Variants in TM6SF1 observed in about 807,000 individuals in gnomAD.
The protein encoded by TM6SF1 is transmembrane 6 superfamily member 1.
TM6SF1 carries 43 observed loss-of-function variants against 47.1 expected under a neutral mutation model. The ratio of observed to expected loss-of-function variants is 0.91; its 90% CI spans 0.72 to 1.18. TM6SF1 has a LOEUF of 1.18. Ranked by LOEUF, TM6SF1 falls within the 50% of genes most tolerant of loss-of-function variation. The pLI, the probability that TM6SF1 is intolerant of heterozygous loss-of-function variation, is 0.00. For synonymous variants in TM6SF1, 177 were observed against 166.3 expected (o/e 1.06, Z -0.49); for missense variants, 390 against 449.0 (o/e 0.87, Z 1.19).
chr15:83,126,020 G>A (rs1567149018), intron 7 of TM6SF1, among the ~76,000 whole-genome samples: 1 of 152,126 alleles, frequency 6.6e-6, no homozygotes, highest in East Asian at 1.9e-4. Flanking sequence ...AAAATAGTGG[G>A]CCCCACCTGT....
At chr15:83,124,045 T>A (rs2035507094) in intron 6 of TM6SF1, among the ~76,000 whole-genome samples, 1 of 152,350 alleles carries the variant, frequency 6.6e-6, no homozygotes, top group Non-Finnish European at 1.5e-5. Flanking sequence ...AAGTTGTTCA[T>A]CATTACATTA....
At chr15:83,117,971 G>A (rs552353186) in intron 3 of TM6SF1, among the ~76,000 whole-genome samples, 1 of 152,268 alleles carries the variant, frequency 6.6e-6, no homozygotes, top group Admixed American at 6.5e-5. Flanking sequence ...TAGCAATAAA[G>A]TTGATAGATT....
intron 9 of TM6SF1, chr15:83,135,756 A>T (rs1462313923): frequency 6.6e-6 from 1 of 152,204 alleles, no homozygotes; most frequent in African/African-American, 2.4e-5. Flanking sequence ...CTTCTAAATA[A>T]ATTATAATTT....
intron 9 of TM6SF1, chr15:83,132,517 G>A (rs534743656): frequency 7.9e-5 from 12 of 151,956 alleles, no homozygotes; most frequent in Admixed American, 4.6e-4. Flanking sequence ...GGAAACTTAC[G>A]TGTGAATAAT....
chr15:83,111,186 G>T (rs1356955116), intron 1 of TM6SF1, among the ~76,000 whole-genome samples: 5 of 151,966 alleles, frequency 3.3e-5, no homozygotes, highest in Non-Finnish European at 7.4e-5. Context: ...TCTTATCATA[G>T]AATTGATCCA....
intron 9 of TM6SF1, chr15:83,128,132 CAAAT>C (rs2035935382): frequency 6.6e-6 from 1 of 152,170 alleles, no homozygotes; most frequent in South Asian, 2.1e-4. Context: ...AGAAATAAAA[CAAAT>C]GAACTTATCA....
chr15:83,107,673 C>T lies in TM6SF1; in HGVS notation c.-8C>T, dbSNP rs1318185720. 2.6e-6 allele frequency: 4 copies of T among 1,541,004 alleles called. No individual in the cohort carries two copies. The highest frequency in any genetic ancestry group is 1.7e-4 in the Middle Eastern group (1 of 5,764). On this transcript the variant is annotated 5_prime_UTR_variant, in exon 1 of 10. Transcript: ENST00000322019. The surrounding 1 kb of genome is among the most constrained non-coding windows in gnomAD (Gnocchi z 5.6). ...ATGCGGTGAAGGGCGAGCGGCGCGG[C>T]GGCTGCGATGAGTGCCTCTGCGGCC... is the stretch of plus-strand genomic sequence containing the variant.
Position 83,136,578 on chromosome 15 carries a change from TA to T in TM6SF1, c.1020del (p.Ile340MetfsTer22). 6.2e-7 allele frequency: 1 copy of T among 1,613,908 alleles called. No individual in the cohort carries two copies. Among genetic ancestry groups the T allele is most frequent in the Non-Finnish European group, 8.5e-7 (1 of 1,179,870 alleles). On this transcript the variant is annotated frameshift_variant, in exon 10 of 10. Transcript: ENST00000322019. LOFTEE classifies it high-confidence loss of function. ...AAAATCCTTTTTTTAGCATTAAACA[TA>T]GCATATGGAGTTCTTCCTCAGCTCT... ...EAKILFLALN[I>X]AYGVLPQLLA...
chr15:83,132,158 C>T (rs28754750), intron 9 of TM6SF1: 58,094 of 152,006 alleles, frequency 0.38, 13,148 homozygotes, highest in African/African-American at 0.64. Context: ...TGAGGTAATA[C>T]ATGTAAAGGG....
At chr15:83,115,744 G>A in intron 2 of TM6SF1, 101 bp from the exon 3 acceptor site, 1 of 834,778 alleles carries the variant, frequency 1.2e-6, no homozygotes, top group Non-Finnish European at 2.0e-6. Context: ...AGCATCTTCT[G>A]GAAAACATGA....
chr15:83,132,217 C>T (rs1329454709), intron 9 of TM6SF1: 1 of 152,204 alleles, frequency 6.6e-6, no homozygotes, highest in East Asian at 1.9e-4. Flanking sequence ...TTTGTTGCTA[C>T]TATTACTGGT....
At position 83,107,645 on chromosome 15, in the gene TM6SF1, G is replaced by A. The variant is rs971027190; in HGVS notation, c.-36G>A. 5.4e-6 allele frequency: 8 copies of A among 1,476,796 alleles called. No individual in the cohort carries two copies. The highest frequency in any genetic ancestry group is 1.9e-4 in the Middle Eastern group (1 of 5,280). The allele number at this position is 1,476,796 out of a possible 1,614,324, so 91.5% of individuals were successfully genotyped here. ...CGGAAGCTGGGGCGGGGCGCCCAGC[G>A]GGATGCGGTGAAGGGCGAGCGGCGC... On this transcript the variant is annotated 5_prime_UTR_variant, in exon 1 of 10. Coordinates refer to ENST00000322019, the MANE Select transcript of TM6SF1 (RefSeq NM_023003.5). The surrounding 1 kb of genome is among the most constrained non-coding windows in gnomAD (Gnocchi z 5.6).
chr15:83,128,418 T>A (rs2035956517), intron 9 of TM6SF1: 1 of 152,248 alleles, frequency 6.6e-6, no homozygotes, highest in African/African-American at 2.4e-5. Context: ...GTCCTTTCCT[T>A]GAGGGGCTTA....
In TM6SF1 at chr15:83,112,891, C is replaced by G. The variant is rs1182194969; in HGVS notation, c.187C>G (p.Leu63Val). 6.2e-7 allele frequency: 1 copy of G among 1,613,044 alleles called. No individual in the cohort carries two copies. Among genetic ancestry groups the G allele is most frequent in the African/African-American group, 1.3e-5 (1 of 75,036 alleles). The part of the protein sequence containing the change: ...LVKRKPPRDP[L>V]FYVYAVFGFT... ...CAAAAGAAAACCACCCCGGGACCCA[C>G]TGTTCTATGGTACGTCTCCACAAAG... is the stretch of plus-strand genomic sequence containing the variant. Residue 63 changes from leucine to valine, a missense_variant, in exon 2 of 10, where the codon CTG (leucine) becomes GTG (valine). Transcript: ENST00000322019.
chr15:83,113,191 T>C (rs1456030490), intron 2 of TM6SF1: 1 of 474,880 alleles, frequency 2.1e-6, no homozygotes, highest in Non-Finnish European at 3.9e-6. Flanking sequence ...TCGACTCTCA[T>C]GCTAGCTCCT....
Position 83,124,720 on chromosome 15 carries a change from T to G in TM6SF1, c.652T>G (p.Leu218Val). Reference sequence around the variant, plus strand: ...AGACCTGCTGAGAAGACCATTTGATTTAATGTTGGTTGTGTGTCTCCTCCT... The same window carrying G: ...AGACCTGCTGAGAAGACCATTTGATGTAATGTTGGTTGTGTGTCTCCTCCT... ...AKDLLRRPFD[L>V]MLVVCLLLAT... is the part of the protein sequence containing the mutation. The change falls in exon 7 of 10, where the codon TTA becomes GTA. Residue 218 changes from leucine to valine, a missense_variant. Leu to Val is a conservative substitution (Grantham distance 32). Coordinates refer to ENST00000322019, the MANE Select transcript of TM6SF1 (RefSeq NM_023003.5). 6.2e-7 allele frequency: 1 copy of G among 1,614,160 alleles called. No homozygotes were observed.
chr15:83,118,766 A>G (rs2034937024), intron 3 of TM6SF1, among the ~76,000 whole-genome samples: 1 of 152,194 alleles, frequency 6.6e-6, no homozygotes, highest in Admixed American at 6.5e-5. Flanking sequence ...GGAAAGGAAA[A>G]CAAGGTGGGG....
chr15:83,112,671 C>T (rs1596470066), intron 1 of TM6SF1, 126 bp from the exon 2 acceptor site: 2 of 724,806 alleles, frequency 2.8e-6, no homozygotes, highest in South Asian at 1.6e-5. Flanking sequence ...CTGGGAGCTG[C>T]AGGCAGAGGC....
In TM6SF1 at chr15:83,137,081, A is replaced by G. The variant is rs1188229098; in HGVS notation, c.*409A>G. ...CAGACTGGAGGAGTAACTTTTGCAAATAAGATGAATATGCTTCATTATTAA... is the reference window on the plus strand; with the variant it reads ...CAGACTGGAGGAGTAACTTTTGCAAGTAAGATGAATATGCTTCATTATTAA... On this transcript the variant is annotated 3_prime_UTR_variant, in exon 10 of 10. Transcript: ENST00000322019. 1.3e-5 allele frequency: 2 copies of G among 152,990 alleles called. No homozygotes were observed. The highest frequency in any genetic ancestry group is 2.9e-5 in the Non-Finnish European group (2 of 68,596). The allele number at this position is 152,990 out of a possible 1,614,324, so 9.5% of individuals were successfully genotyped here.
Sources: allele counts gnomAD v4.1 joint callset (sites outside exome capture counted in the v4.1 genomes callset), GRCh38; gene constraint gnomAD v4.1.1; non-coding constraint Gnocchi (gnomAD v3.1); transcripts MANE v1.5; gene names NCBI Gene and HGNC (gene_info 2026-07-23, HGNC 2026-07-21).